MICAL2: variants seen among roughly 807,000 people sequenced by gnomAD.
The protein encoded by MICAL2 is [F-actin]-monooxygenase MICAL2.
A neutral mutation model predicts 127.3 loss-of-function variants in MICAL2; 77 were observed. That is an observed-to-expected ratio of 0.60 (90% CI 0.50 to 0.73). The LOEUF (loss-of-function observed/expected upper bound fraction) is 0.73. Ranked by LOEUF, MICAL2 falls within the 30% of genes least tolerant of loss-of-function variation. The pLI, the probability that MICAL2 is intolerant of heterozygous loss-of-function variation, is 0.00. For synonymous variants in MICAL2, 570 were observed against 551.1 expected, an observed-to-expected ratio of 1.03 and a Z score of -0.48; for missense variants, 1,351 against 1,434.4, an observed-to-expected ratio of 0.94 and a Z score of 0.94.
chr11:12,341,504 G>C (rs1471687640), intron 32 of MICAL2, among the ~76,000 whole-genome samples: 2 of 151,676 alleles, frequency 1.3e-5, no homozygotes, highest in South Asian at 4.2e-4. Context: ...TAAATAGATC[G>C]TTTTTTTTCT....
At chr11:12,204,586 C>T in intron 4 of MICAL2, 129 bp downstream of exon 4, 1 of 875,696 alleles carries the variant, frequency 1.1e-6, no homozygotes, top group South Asian at 1.7e-5. Context: ...ATCAGACTAA[C>T]AGACAACTAG....
chr11:12,145,912 A>C (rs1590064735), intron 2 of MICAL2, among the ~76,000 whole-genome samples: 1 of 152,368 alleles, frequency 6.6e-6, no homozygotes, highest in Admixed American at 6.5e-5. Context: ...TAATAACATT[A>C]ATGACAATAT....
In MICAL2 at chr11:12,213,330, C is replaced by A; in HGVS notation, c.767C>A (p.Ala256Glu). 6.2e-7 allele frequency: 1 copy of A among 1,614,048 alleles called. No homozygotes were observed. The highest frequency in any genetic ancestry group is 8.5e-7 in the Non-Finnish European group (1 of 1,179,920). ...TANFINRNSTAEAKVEEISGV... is the reference protein window; with the variant it reads ...TANFINRNSTEEAKVEEISGV... ...AACTTCATAAACAGAAACAGCACAG[C>A]GGAAGCCAAGGTGGAAGAGATTAGT... The change falls in exon 7 of 28, where the codon GCG becomes GAG. Residue 256 changes from alanine to glutamate, a missense_variant. Coordinates refer to ENST00000683283, the MANE Select transcript of MICAL2 (RefSeq NM_001282663.2).
At chr11:12,150,413 T>C (rs1853437667) in intron 2 of MICAL2, among the ~76,000 whole-genome samples, 1 of 150,116 alleles carries the variant, frequency 6.7e-6, no homozygotes, top group African/African-American at 2.5e-5. Context: ...GGCAACAGAG[T>C]GAGATCCTGT....
At chr11:12,193,850 A>G (rs1477535130) in intron 3 of MICAL2, among the ~76,000 whole-genome samples, 2 of 152,208 alleles carry the variant, frequency 1.3e-5, no homozygotes, top group East Asian at 1.9e-4. Context: ...TGAGATTTGA[A>G]TGAACTGATA....
intron 1 of MICAL2, among the ~76,000 whole-genome samples, chr11:12,137,829 G>A (rs956301862): frequency 2.6e-5 from 4 of 152,106 alleles, no homozygotes; most frequent in African/African-American, 9.7e-5. Flanking sequence ...AGGTGTAGAG[G>A]CATTTTCTGC....
intron 4 of MICAL2, 50 bp from the exon 5 acceptor site, chr11:12,207,973 T>A: frequency 1.5e-6 from 2 of 1,346,468 alleles, no homozygotes; most frequent in Non-Finnish European, 2.1e-6. Flanking sequence ...TGCATATAGG[T>A]GGTGTTCAGG....
intron 3 of MICAL2, among the ~76,000 whole-genome samples, chr11:12,164,684 A>G (rs559410002): frequency 6.6e-6 from 1 of 152,170 alleles, no homozygotes; most frequent in Non-Finnish European, 1.5e-5. Context: ...ATTGAAAAAA[A>G]CCTCAGAGAA....
At chr11:12,355,716 G>T (rs769290040) in intron 34 of MICAL2, among the ~76,000 whole-genome samples, 8 of 152,216 alleles carry the variant, frequency 5.3e-5, no homozygotes, top group Admixed American at 3.3e-4. Flanking sequence ...GAGTCTCAGA[G>T]AATTTAAATC....
intron 32 of MICAL2, among the ~76,000 whole-genome samples, chr11:12,342,411 A>T (rs933573722): frequency 6.6e-6 from 1 of 152,250 alleles, no homozygotes; most frequent in Non-Finnish European, 1.5e-5. Context: ...GGCCAAAAAA[A>T]AATTATTATT....
At chr11:12,305,427 C>G (rs558512153) in intron 29 of MICAL2, among the ~76,000 whole-genome samples, 2 of 152,258 alleles carry the variant, frequency 1.3e-5, no homozygotes, top group South Asian at 4.1e-4. Flanking sequence ...TCCTCTGACA[C>G]TTGGAGATTA....
intron 2 of MICAL2, among the ~76,000 whole-genome samples, chr11:12,150,312 G>T (rs992012236): frequency 3.3e-4 from 50 of 152,126 alleles, no homozygotes; most frequent in African/African-American, 1.1e-3. Flanking sequence ...AGAAAAATGA[G>T]GTCAAATGGT....
At chr11:12,243,562 G>C in intron 20 of MICAL2, among the ~76,000 whole-genome samples, 1 of 152,174 alleles carries the variant, frequency 6.6e-6, no homozygotes. Context: ...CCTCATGCCT[G>C]CCAGGAGGCT....
intron 2 of MICAL2, among the ~76,000 whole-genome samples, chr11:12,283,057 T>C (rs1335685240): frequency 6.6e-6 from 1 of 152,190 alleles, no homozygotes; most frequent in Non-Finnish European, 1.5e-5. Context: ...TCTCAAACAA[T>C]TCTTTGTCGA....
At chr11:12,112,195 G>A (rs1849662200) in intron 1 of MICAL2, among the ~76,000 whole-genome samples, 2 of 152,198 alleles carry the variant, frequency 1.3e-5, no homozygotes, top group African/African-American at 4.8e-5. Flanking sequence ...GAAGTGGTGT[G>A]CTGTGTGCAG....
intron 3 of MICAL2, among the ~76,000 whole-genome samples, chr11:12,175,419 T>A (rs567925692): frequency 2.0e-5 from 3 of 151,592 alleles, no homozygotes; most frequent in Admixed American, 2.0e-4. Context: ...GAGGTTGCAG[T>A]GAGCCGAGAT....
intron 1 of MICAL2, among the ~76,000 whole-genome samples, chr11:12,111,079 GC>G (rs1380230290): frequency 2.0e-5 from 3 of 152,226 alleles, no homozygotes; most frequent in African/African-American, 7.2e-5. Context: ...CTGCAGTGCT[GC>G]CTGTCACCTG....
intron 1 of MICAL2, among the ~76,000 whole-genome samples, chr11:12,130,474 A>G (rs1334962737): frequency 6.6e-6 from 1 of 152,204 alleles, no homozygotes; most frequent in Non-Finnish European, 1.5e-5. Flanking sequence ...GGTGGGACTA[A>G]ACCCAGGGCT....
exon 2 of MICAL2, chr11:12,281,034 C>A (rs56335112): frequency 2.5e-6 from 1 of 399,100 alleles, no homozygotes. Context: ...CCGCACACGT[C>A]CCTAGGGGAG....
Sources: allele counts gnomAD v4.1 joint callset (sites outside exome capture counted in the v4.1 genomes callset), GRCh38; gene constraint gnomAD v4.1.1; transcripts MANE v1.5; gene names NCBI Gene and HGNC (gene_info 2026-07-23, HGNC 2026-07-21).